LIN52: variants seen among roughly 807,000 people sequenced by gnomAD.
LIN52 encodes protein lin-52 homolog.
LIN52 carries 4 observed loss-of-function variants against 18.5 expected under a neutral mutation model. The ratio of observed to expected loss-of-function variants is 0.22; its 90% CI spans 0.11 to 0.49. LIN52 has a LOEUF of 0.49. Among genes scored for constraint, LIN52 ranks in the 20% least tolerant of loss-of-function variants. The pLI, the probability that LIN52 is intolerant of heterozygous loss-of-function variation, is 0.97. For missense variants in LIN52, 102 were observed against 139.5 expected (o/e 0.73, Z 1.35); for synonymous variants, 34 against 45.5 (o/e 0.75, Z 1.02).
At chr14:74,193,417 T>C (rs78365830) in intron 5 of LIN52, among the ~76,000 whole-genome samples, 1 of 147,698 alleles carries the variant, frequency 6.8e-6, no homozygotes, top group Non-Finnish European at 1.5e-5. Flanking sequence ...TTGTCTCTTA[T>C]AAAAAAAAAA....
intron 5 of LIN52, among the ~76,000 whole-genome samples, chr14:74,179,847 G>A (rs1416468574): frequency 1.3e-5 from 2 of 152,054 alleles, no homozygotes; most frequent in African/African-American, 4.8e-5. Context: ...TAGAGCTGCA[G>A]GGAACTGGAA....
At chr14:74,118,798 A>G (rs762157014) in intron 5 of LIN52, among the ~76,000 whole-genome samples, 6 of 152,196 alleles carry the variant, frequency 3.9e-5, no homozygotes, top group African/African-American at 7.2e-5. Context: ...TTTCTAGTAC[A>G]TAAATACAAA....
intron 5 of LIN52, among the ~76,000 whole-genome samples, chr14:74,176,232 G>A (rs1006838843): frequency 2.0e-5 from 3 of 151,958 alleles, no homozygotes; most frequent in Non-Finnish European, 4.4e-5. Flanking sequence ...GCGCAATCTC[G>A]GCTCACTGAA....
chr14:74,123,195 G>A (rs2061009425), intron 5 of LIN52, among the ~76,000 whole-genome samples: 1 of 152,172 alleles, frequency 6.6e-6, no homozygotes, highest in African/African-American at 2.4e-5. Context: ...AGATTGGTGA[G>A]GAATGAAAAT....
chr14:74,161,365 T>C (rs1595180022), intron 5 of LIN52, among the ~76,000 whole-genome samples: 1 of 152,142 alleles, frequency 6.6e-6, no homozygotes, highest in African/African-American at 2.4e-5. Flanking sequence ...TTTGTATTTT[T>C]AGTAGAGATG....
intron 5 of LIN52, among the ~76,000 whole-genome samples, chr14:74,173,146 A>G (rs2061278709): frequency 1.3e-5 from 2 of 152,124 alleles, no homozygotes; most frequent in African/African-American, 4.8e-5. Context: ...TACTTAGCCA[A>G]TTATTTACAT....
chr14:74,171,351 T>C (rs889695166), intron 5 of LIN52, among the ~76,000 whole-genome samples: 4 of 148,154 alleles, frequency 2.7e-5, no homozygotes, highest in African/African-American at 1.0e-4. Flanking sequence ...GGTGACAGAG[T>C]GAGAGCCTGT....
In LIN52 at chr14:74,132,316, A is replaced by G. The variant is rs1251274186; in HGVS notation, c.283+31078A>G. On this transcript the variant is annotated intron_variant, in intron 5 of 5. Coordinates refer to ENST00000555028, the MANE Select transcript of LIN52 (RefSeq NM_001024674.3). ...TCAAATGCTCTTTTGATAAAATATG[A>G]TTTGCTTCTTGGAGCTTGTAAATAA... Among the ~76,000 whole-genome samples, 8 of 152,198 alleles carry G rather than the reference A, an allele frequency of 5.3e-5. No individual in the cohort carries two copies. In the East Asian group the frequency reaches 1.5e-3, roughly 29 times the overall value.
intron 5 of LIN52, among the ~76,000 whole-genome samples, chr14:74,157,575 T>A (rs2061205133): frequency 6.6e-6 from 1 of 151,818 alleles, no homozygotes; most frequent in Admixed American, 6.6e-5. Flanking sequence ...GAAGGGATCC[T>A]CCCACCTTAG....
intron 5 of LIN52, among the ~76,000 whole-genome samples, chr14:74,123,015 T>A (rs1376283366): frequency 6.6e-6 from 1 of 152,224 alleles, no homozygotes; most frequent in Non-Finnish European, 1.5e-5. Context: ...TTTTGATGAT[T>A]TGATACAGCC....
chr14:74,130,278 G>GTTGTTTTTTT (rs2061054682), intron 5 of LIN52, among the ~76,000 whole-genome samples: 1 of 64,842 alleles, frequency 1.5e-5, no homozygotes, highest in Non-Finnish European at 2.8e-5. Context: ...GCATTTTTTG[G>GTTGTTTTTTT]TTTTTTTTTT....
intron 5 of LIN52, among the ~76,000 whole-genome samples, chr14:74,147,272 A>G (rs1435053583): frequency 6.6e-6 from 1 of 152,156 alleles, no homozygotes; most frequent in African/African-American, 2.4e-5. Context: ...CAAACAAAAT[A>G]TCCACATAAA....
intron 5 of LIN52, among the ~76,000 whole-genome samples, chr14:74,111,502 G>C (rs1232682742): frequency 2.0e-5 from 3 of 149,720 alleles, no homozygotes; most frequent in African/African-American, 7.4e-5. Flanking sequence ...GGGTCTCCCT[G>C]TGTTGCCCAG....
At chr14:74,088,720 C>T (rs1470768160) in intron 1 of LIN52, among the ~76,000 whole-genome samples, 3 of 152,156 alleles carry the variant, frequency 2.0e-5, no homozygotes, top group African/African-American at 7.2e-5. Context: ...TGTATATTTT[C>T]TGGGGAGTGA....
At chr14:74,194,685 A>T (rs977522117) in intron 5 of LIN52, among the ~76,000 whole-genome samples, 23 of 152,206 alleles carry the variant, frequency 1.5e-4, no homozygotes, top group Admixed American at 1.3e-3. Context: ...ACGACATAAT[A>T]GGGCCTGTAA....
chr14:74,131,760 T>C (rs987786169), intron 5 of LIN52, among the ~76,000 whole-genome samples: 2 of 152,248 alleles, frequency 1.3e-5, no homozygotes, highest in African/African-American at 2.4e-5. Context: ...TGTTATACTG[T>C]TATAGTCCTT....
intron 5 of LIN52, among the ~76,000 whole-genome samples, chr14:74,186,391 A>G (rs780475035): frequency 6.6e-6 from 1 of 152,110 alleles, no homozygotes; most frequent in Non-Finnish European, 1.5e-5. Context: ...TTGATCACCT[A>G]CCATATGCTT....
intron 5 of LIN52, among the ~76,000 whole-genome samples, chr14:74,191,735 G>A (rs1022699102): frequency 2.0e-5 from 3 of 151,476 alleles, no homozygotes; most frequent in East Asian, 1.9e-4. Context: ...CCGGGTTCAC[G>A]CCATTCTCCT....
intron 5 of LIN52, among the ~76,000 whole-genome samples, chr14:74,197,242 G>C (rs1181765096): frequency 2.0e-5 from 3 of 152,170 alleles, no homozygotes; most frequent in African/African-American, 7.2e-5. Flanking sequence ...AATTTATCCA[G>C]TCAACACTTA....
Sources: allele counts gnomAD v4.1 joint callset (sites outside exome capture counted in the v4.1 genomes callset), GRCh38; gene constraint gnomAD v4.1.1; transcripts MANE v1.5; gene names NCBI Gene and HGNC (gene_info 2026-07-23, HGNC 2026-07-21).